Variants in CHODL observed in about 807,000 individuals in gnomAD.
CHODL encodes the protein transmembrane protein MT75.
Under a neutral mutation model 34.5 loss-of-function variants are expected in CHODL, and 29 were observed. The ratio of observed to expected loss-of-function variants is 0.84; its 90% CI spans 0.63 to 1.15. The LOEUF (loss-of-function observed/expected upper bound fraction) is 1.15. Ranked by LOEUF, CHODL falls within the 50% of genes most tolerant of loss-of-function variation. The probability of loss-of-function intolerance (pLI) is 0.00; values close to 1 mark genes in which losing one functional copy is unlikely to be tolerated. For missense variants in CHODL, 332 were observed against 332.5 expected, an observed-to-expected ratio of 1.00 and a Z score of 0.01; for synonymous variants, 125 against 116.1, an observed-to-expected ratio of 1.08 and a Z score of -0.49.
intron 2 of CHODL, among the ~76,000 whole-genome samples, chr21:18,059,050 A>G (rs952629792): frequency 6.6e-6 from 1 of 152,204 alleles, no homozygotes; most frequent in African/African-American, 2.4e-5. Context: ...CTTATACCCT[A>G]GTGTGGCTAT....
Position 18,265,986 on chromosome 21 carries a change from C to A in CHODL, c.770C>A (p.Ser257Tyr), listed in dbSNP as rs777392789. The change falls in exon 6 of 6, where the codon TCT becomes TAT. Residue 257 changes from serine to tyrosine, a missense_variant. By Grantham distance (144) the Ser-to-Tyr change is moderately radical (BLOSUM62 -2). Transcript: ENST00000299295. Reference protein sequence around the residue: ...KGRTKTSPNQSTLWISKSTRK... With the variant: ...KGRTKTSPNQYTLWISKSTRK... The stretch of plus-strand genomic sequence containing the variant: ...AGAACAAAAACTAGTCCAAACCAGT[C>A]TACACTGTGGATTTCAAAGAGTACC... 2 of 1,613,478 alleles carry A rather than the reference C, an allele frequency of 1.2e-6. No individual in the cohort carries two copies. Among genetic ancestry groups the A allele is most frequent in the South Asian group, 2.2e-5 (2 of 91,036 alleles).
intron 2 of CHODL, among the ~76,000 whole-genome samples, chr21:18,031,898 A>C (rs918292043): frequency 1.3e-5 from 2 of 152,102 alleles, no homozygotes; most frequent in African/African-American, 2.4e-5. Context: ...GTGAACCTTC[A>C]TCCTAGGATT....
chr21:18,258,435 C>A (rs1030321376), intron 3 of CHODL, among the ~76,000 whole-genome samples: 2 of 151,884 alleles, frequency 1.3e-5, no homozygotes, highest in African/African-American at 2.4e-5. Flanking sequence ...CTTCTCCTTT[C>A]TTTTGAGTTC....
chr21:18,176,255 C>G (rs777857172), intron 2 of CHODL, among the ~76,000 whole-genome samples: 2 of 152,110 alleles, frequency 1.3e-5, no homozygotes, highest in Non-Finnish European at 2.9e-5. Context: ...TTAAGAAAAT[C>G]TGGAGAGTGT....
At chr21:18,211,981 T>G (rs576790315) in intron 2 of CHODL, among the ~76,000 whole-genome samples, 49 of 152,254 alleles carry the variant, frequency 3.2e-4, no homozygotes, top group Middle Eastern at 3.4e-3. Flanking sequence ...GAAAAATAAA[T>G]CATAATTGTT....
chr21:18,209,288 C>A (rs1760487112), intron 2 of CHODL, among the ~76,000 whole-genome samples: 1 of 152,154 alleles, frequency 6.6e-6, no homozygotes. Context: ...AGGGGAGTCT[C>A]TTCTCGTGGC....
intron 1 of CHODL, among the ~76,000 whole-genome samples, chr21:17,999,591 C>T (rs2063885382): frequency 6.6e-6 from 1 of 152,210 alleles, no homozygotes; most frequent in South Asian, 2.1e-4. Flanking sequence ...AAAGGCACTT[C>T]TTACGTGATG....
chr21:18,250,983 G>A (rs916463353), intron 1 of CHODL, among the ~76,000 whole-genome samples: 12 of 151,380 alleles, frequency 7.9e-5, no homozygotes, highest in Admixed American at 1.3e-4. Context: ...TAATTATAGC[G>A]TGAGATATTA....
intron 2 of CHODL, among the ~76,000 whole-genome samples, chr21:18,232,529 C>T (rs1464341665): frequency 6.6e-6 from 1 of 151,672 alleles, no homozygotes; most frequent in Non-Finnish European, 1.5e-5. Context: ...GAGAGGGGAG[C>T]TCCCTGACCT....
At chr21:18,183,043 C>T (rs992274633) in intron 2 of CHODL, among the ~76,000 whole-genome samples, 1 of 152,114 alleles carries the variant, frequency 6.6e-6, no homozygotes, top group South Asian at 2.1e-4. Context: ...TGATTAAATA[C>T]AAAAGCCACT....
intron 2 of CHODL, among the ~76,000 whole-genome samples, chr21:18,138,786 G>A (rs1270283948): frequency 6.6e-6 from 1 of 152,120 alleles, no homozygotes; most frequent in Non-Finnish European, 1.5e-5. Context: ...TTGGCAGGGA[G>A]TTGCATTTTC....
chr21:18,256,721 G>T lies in CHODL; in HGVS notation c.292G>T (p.Asp98Tyr). The change falls in exon 2 of 6, where the codon GAT (aspartate) becomes TAT (tyrosine). Residue 98 changes from aspartate to tyrosine, a missense_variant. Physicochemically the swap from Asp to Tyr is radical, Grantham distance 160. Coordinates refer to ENST00000299295, the MANE Select transcript of CHODL (RefSeq NM_024944.3). ...ACCCGGGACAGGGATTTCTGATGGT[G>T]ATTTCTGGATAGGGCTTTGGAGGAA... is the stretch of plus-strand genomic sequence containing the variant. ...TKPGTGISDG[D>Y]FWIGLWRNGD... The T allele has an allele frequency of 6.2e-7, 1 of 1,614,084 alleles. No individual in the cohort carries two copies. The highest frequency in any genetic ancestry group is 1.1e-5 in the South Asian group (1 of 91,074).
intron 2 of CHODL, among the ~76,000 whole-genome samples, chr21:18,076,743 G>T (rs895007168): frequency 6.6e-6 from 1 of 152,174 alleles, no homozygotes. Flanking sequence ...CAGGTCTAGG[G>T]TGCAAGAGCC....
intron 1 of CHODL, among the ~76,000 whole-genome samples, chr21:18,256,218 C>T (rs1444970870): frequency 6.6e-6 from 1 of 151,828 alleles, no homozygotes; most frequent in Non-Finnish European, 1.5e-5. Context: ...TTTTCATTTG[C>T]TTTGTTAATT....
At chr21:18,228,270 G>C (rs954065723) in intron 2 of CHODL, among the ~76,000 whole-genome samples, 5 of 152,158 alleles carry the variant, frequency 3.3e-5, no homozygotes, top group Admixed American at 2.0e-4. Context: ...CAGAGTGATA[G>C]AGAGTTTCAA....
At chr21:18,012,253 C>A (rs1367838764) in intron 1 of CHODL, among the ~76,000 whole-genome samples, 1 of 152,202 alleles carries the variant, frequency 6.6e-6, no homozygotes, top group East Asian at 1.9e-4. Flanking sequence ...CCCTTGCTCT[C>A]ATTTGTCATC....
chr21:18,230,437 A>G (rs969653777), intron 2 of CHODL, among the ~76,000 whole-genome samples: 2 of 152,148 alleles, frequency 1.3e-5, no homozygotes, highest in African/African-American at 2.4e-5. Flanking sequence ...TTTTTAAATT[A>G]AATATTCTTA....
chr21:17,937,863 G>A (rs570804458), intron 1 of CHODL, among the ~76,000 whole-genome samples: 1 of 152,080 alleles, frequency 6.6e-6, no homozygotes, highest in African/African-American at 2.4e-5. Context: ...TGCTGAATAT[G>A]TGCCAGGTGC....
At chr21:18,245,994 A>C (rs2074136687) in intron 1 of CHODL, 2 of 1,448,268 alleles carry the variant, frequency 1.4e-6, no homozygotes, top group Non-Finnish European at 1.9e-6. Flanking sequence ...AAGTCGGTCG[A>C]GTCAGTGCAT....
Sources: allele counts gnomAD v4.1 joint callset (sites outside exome capture counted in the v4.1 genomes callset), GRCh38; gene constraint gnomAD v4.1.1; transcripts MANE v1.5; gene names NCBI Gene and HGNC (gene_info 2026-07-23, HGNC 2026-07-21).